The following LRP1B variants were observed in gnomAD, a reference collection of about 807,000 sequenced individuals.
LRP1B encodes low-density lipoprotein receptor-related protein 1B.
LRP1B carries 217 observed loss-of-function variants against 556.6 expected under a neutral mutation model. That is an observed-to-expected ratio of 0.39 (90% confidence interval 0.35 to 0.44). The LOEUF (loss-of-function observed/expected upper bound fraction) is 0.44. LRP1B is among the 20% of genes least tolerant of loss of function. LRP1B has a pLI of 1.00. For synonymous variants in LRP1B, 2,047 were observed against 1,865.8 expected (o/e 1.10, Z -2.50); for missense variants, 5,053 against 5,620.8 (o/e 0.90, Z 3.23).
intron 66 of LRP1B, among the ~76,000 whole-genome samples, chr2:140,437,989 A>T (rs763425423): frequency 1.4e-4 from 22 of 152,164 alleles, no homozygotes; most frequent in Non-Finnish European, 2.6e-4. Flanking sequence ...TTGTTATATA[A>T]CAAGTGTATA....
At chr2:142,053,259 A>T (rs887067344) in intron 1 of LRP1B, among the ~76,000 whole-genome samples, 1 of 152,164 alleles carries the variant, frequency 6.6e-6, no homozygotes, top group Non-Finnish European at 1.5e-5. Context: ...CAACGTTACT[A>T]TAGCAATTTA....
chr2:140,259,377 T>G (rs1217139814), intron 86 of LRP1B, among the ~76,000 whole-genome samples: 1 of 152,120 alleles, frequency 6.6e-6, no homozygotes, highest in Non-Finnish European at 1.5e-5. Flanking sequence ...GTCTAGTTCT[T>G]GACTTACAGA....
intron 66 of LRP1B, among the ~76,000 whole-genome samples, chr2:140,387,964 T>G (rs1217113738): frequency 6.7e-6 from 1 of 148,286 alleles, no homozygotes; most frequent in African/African-American, 2.5e-5. Flanking sequence ...GGAGATGGAG[T>G]CTTGCTCTAT....
chr2:141,359,089 T>A (rs1009885038), intron 3 of LRP1B, among the ~76,000 whole-genome samples: 1 of 151,896 alleles, frequency 6.6e-6, no homozygotes, highest in African/African-American at 2.4e-5. Context: ...AAAATAAGAA[T>A]AGCAGCTTAT....
chr2:141,765,532 G>A (rs1035003177), intron 2 of LRP1B, among the ~76,000 whole-genome samples: 1 of 152,040 alleles, frequency 6.6e-6, no homozygotes, highest in Non-Finnish European at 1.5e-5. Context: ...AATACCAACA[G>A]AGACCAGGTA....
intron 7 of LRP1B, among the ~76,000 whole-genome samples, chr2:141,105,650 CTT>C (rs144065810): frequency 0.077 from 11,724 of 152,098 alleles, 575 homozygotes; most frequent in South Asian, 0.14. Context: ...CTGTCAAACT[CTT>C]TGGAAAAGTC....
intron 1 of LRP1B, among the ~76,000 whole-genome samples, chr2:141,817,291 G>C (rs1370333): frequency 0.45 from 68,589 of 151,892 alleles, 15,959 homozygotes; most frequent in African/African-American, 0.56. Context: ...TCACTTACAT[G>C]CCTAAGGAAG....
chr2:141,023,595 T>C (rs1327819685), intron 11 of LRP1B, among the ~76,000 whole-genome samples: 1 of 151,974 alleles, frequency 6.6e-6, no homozygotes, highest in Non-Finnish European at 1.5e-5. Context: ...TATTATACAT[T>C]CATGGAACAG....
At position 141,049,238 on chromosome 2, in the gene LRP1B, T is replaced by C; in HGVS notation, c.1553-16A>G. ...TTCTTTGGTCCTGCAGAGGAAAGAT[T>C]ACAAACACAAACAACTGATGCTGCT... On this transcript the variant is annotated splice_polypyrimidine_tract_variant and intron_variant, in intron 10 of 90. Coordinates refer to ENST00000389484, the MANE Select transcript of LRP1B (RefSeq NM_018557.3). 1.3e-6 allele frequency: 2 copies of C among 1,518,350 alleles called. No individual in the cohort carries two copies. The highest frequency in any genetic ancestry group is 1.8e-6 in the Non-Finnish European group (2 of 1,093,156). 94.1% of individuals were successfully genotyped at this position (1,518,350 alleles called of 1,614,324 possible). A position where few individuals can be genotyped will look rare whatever the true frequency, so the allele number is the denominator to read the frequency against.
intron 1 of LRP1B, among the ~76,000 whole-genome samples, chr2:142,069,414 T>G (rs1250557083): frequency 6.6e-6 from 1 of 151,554 alleles, no homozygotes; most frequent in Admixed American, 6.6e-5. Context: ...TCCTCTGCCT[T>G]ATACAGGAAG....
intron 3 of LRP1B, among the ~76,000 whole-genome samples, chr2:141,271,234 C>T (rs1262464776): frequency 1.3e-5 from 2 of 150,674 alleles, no homozygotes; most frequent in African/African-American, 4.9e-5. Flanking sequence ...GAAAAATAAA[C>T]AGAGCTTGAG....
chr2:140,241,852 C>A (rs904279964), intron 87 of LRP1B, among the ~76,000 whole-genome samples: 37 of 150,864 alleles, frequency 2.5e-4, no homozygotes, highest in African/African-American at 8.2e-4. Context: ...TGATCAATCC[C>A]TATTGCAGGT....
chr2:140,474,146 A>G (rs16844065), intron 60 of LRP1B, among the ~76,000 whole-genome samples: 7,249 of 152,066 alleles, frequency 0.048, 215 homozygotes, highest in African/African-American at 0.051. Flanking sequence ...AGAAGGATGA[A>G]AAGATGTATT....
chr2:140,420,014 G>GAAAAAAAA (rs76165653), intron 66 of LRP1B, among the ~76,000 whole-genome samples: 1 of 86,320 alleles, frequency 1.2e-5, no homozygotes, highest in Non-Finnish European at 2.4e-5. Context: ...TCATAAAAAA[G>GAAAAAAAA]AAAAAAAAAA....
At chr2:141,061,609 G>A (rs946754561) in intron 8 of LRP1B, among the ~76,000 whole-genome samples, 10 of 151,748 alleles carry the variant, frequency 6.6e-5, no homozygotes, top group Non-Finnish European at 1.0e-4. Flanking sequence ...AATCGAACTT[G>A]TTATAATAAA....
intron 32 of LRP1B, among the ~76,000 whole-genome samples, chr2:140,809,250 A>C (rs1269425912): frequency 6.6e-6 from 1 of 152,116 alleles, no homozygotes; most frequent in Non-Finnish European, 1.5e-5. Context: ...TTTTTTTAAA[A>C]AAAAATTTTA....
At chr2:141,728,367 C>T (rs1462377951) in intron 2 of LRP1B, among the ~76,000 whole-genome samples, 1 of 152,120 alleles carries the variant, frequency 6.6e-6, no homozygotes, top group Non-Finnish European at 1.5e-5. Flanking sequence ...ATGATCTCGC[C>T]CTCCAACTGT....
At chr2:140,427,515 C>T (rs1029370462) in intron 66 of LRP1B, among the ~76,000 whole-genome samples, 1 of 152,184 alleles carries the variant, frequency 6.6e-6, no homozygotes, top group Non-Finnish European at 1.5e-5. Flanking sequence ...TGCCACTTGA[C>T]CTCAATACAA....
intron 18 of LRP1B, among the ~76,000 whole-genome samples, chr2:140,966,345 G>A (rs1271756090): frequency 6.6e-6 from 1 of 152,188 alleles, no homozygotes; most frequent in Non-Finnish European, 1.5e-5. Context: ...CTGCATAAAT[G>A]TCTTCTTTTG....
Sources: allele counts gnomAD v4.1 joint callset (sites outside exome capture counted in the v4.1 genomes callset), GRCh38; gene constraint gnomAD v4.1.1; transcripts MANE v1.5; gene names NCBI Gene and HGNC (gene_info 2026-07-23, HGNC 2026-07-21).